The following GPRIN3 variants were observed in gnomAD, a reference collection of about 807,000 sequenced individuals.
GPRIN3 encodes G protein-regulated inducer of neurite outgrowth 3.
In GPRIN3, 12 loss-of-function variants were observed where a neutral mutation model predicts 13.7. The observed-to-expected ratio is 0.87, with a 90% confidence interval of 0.56 to 1.42. The LOEUF (loss-of-function observed/expected upper bound fraction) is 1.42, where lower values mean the gene tolerates loss of function less well. Ranked by LOEUF, GPRIN3 falls within the 40% of genes most tolerant of loss-of-function variation. The probability of loss-of-function intolerance (pLI) is 0.00; values close to 1 mark genes in which losing one functional copy is unlikely to be tolerated. For missense variants in GPRIN3, 1,009 were observed against 958.7 expected, an observed-to-expected ratio of 1.05 and a Z score of -0.69; for synonymous variants, 377 against 372.7, an observed-to-expected ratio of 1.01 and a Z score of -0.13.
chr4:89,249,543 G>A lies in GPRIN3; in HGVS notation c.568C>T (p.Pro190Ser), dbSNP rs1229116755. The A allele has an allele frequency of 6.2e-7, 1 of 1,614,180 alleles. No homozygotes were observed. The highest frequency in any genetic ancestry group is 8.5e-7 in the Non-Finnish European group (1 of 1,180,020). The part of the protein sequence containing the change: ...SSKDQVSCEF[P>S]SPETIQGTVQ... ...GTTCCCTGGATTGTTTCTGGAGAAG[G>A]AAACTCACAGGACACCTGATCTTTG... The change falls in exon 2 of 2, where the codon CCT becomes TCT. Residue 190 changes from proline to serine, a missense_variant. Transcript: ENST00000609438.
At chr4:89,261,671 A>G (rs558084980) in intron 1 of GPRIN3, among the ~76,000 whole-genome samples, 1 of 152,372 alleles carries the variant, frequency 6.6e-6, no homozygotes, top group South Asian at 2.1e-4. Context: ...GCTAATTGAT[A>G]TATGCACAAG....
rs774887362 is a variant in GPRIN3 at position 89,248,985 on chromosome 4, T to C, written c.1126A>G (p.Thr376Ala). 1 of 1,614,148 alleles carries C rather than the reference T, an allele frequency of 6.2e-7. No homozygotes were observed. Among genetic ancestry groups the C allele is most frequent in the Non-Finnish European group, 8.5e-7 (1 of 1,179,998 alleles). The change falls in exon 2 of 2, where the codon ACG (threonine) becomes GCG (alanine). Residue 376 changes from threonine to alanine, a missense_variant. By Grantham distance (58) the Thr-to-Ala change is moderately conservative. Coordinates refer to ENST00000609438, the MANE Select transcript of GPRIN3 (RefSeq NM_198281.3). ...GSHTLELSDS[T>A]LAPQESSQCP... is the part of the protein sequence containing the mutation. ...TGGCTGGACTCCTGGGGGGCTAGCGTGCTGTCAGAGAGCTCCAGTGTGTGG... is the reference window on the plus strand; with the variant it reads ...TGGCTGGACTCCTGGGGGGCTAGCGCGCTGTCAGAGAGCTCCAGTGTGTGG...
In GPRIN3 at chr4:89,249,144, G is replaced by T; in HGVS notation, c.967C>A (p.Gln323Lys). Residue 323 changes from glutamine to lysine, a missense_variant, in exon 2 of 2, where the codon CAG (glutamine) becomes AAG (lysine). By Grantham distance (53) the Gln-to-Lys change is moderately conservative. Coordinates refer to ENST00000609438, the MANE Select transcript of GPRIN3 (RefSeq NM_198281.3). The part of the protein sequence containing the change: ...PSRAWQDAEV[Q>K]AVASVESRSV... ...CTGCTCTCGACACTCGCCACTGCCTGCACCTCCGCATCTTGCCAAGCCCTG... is the reference window on the plus strand; with the variant it reads ...CTGCTCTCGACACTCGCCACTGCCTTCACCTCCGCATCTTGCCAAGCCCTG... 1 of 1,614,166 alleles carries T rather than the reference G, an allele frequency of 6.2e-7. No individual in the cohort carries two copies.
At chr4:89,286,840 C>T (rs1018056902) in intron 1 of GPRIN3, among the ~76,000 whole-genome samples, 1 of 152,164 alleles carries the variant, frequency 6.6e-6, no homozygotes. Context: ...AATTCTACTA[C>T]TCCAGCTGGA....
rs897688028 is a variant in GPRIN3 at position 89,273,007 on chromosome 4, T to C, written c.-123-22774A>G. Among the ~76,000 whole-genome samples the C allele has an allele frequency of 2.6e-5, 4 of 152,174 alleles. No individual in the cohort carries two copies. The East Asian group carries it at 5.8e-4, about 22-fold the overall frequency. ...AGTGTTGAAAATGAGAAAGAAGGAA[T>C]GAACCACATTTTTTTTTGTAGATCA... On this transcript the variant is annotated intron_variant, in intron 1 of 1. Transcript: ENST00000609438.
chr4:89,266,626 A>C (rs1322584901), intron 1 of GPRIN3, among the ~76,000 whole-genome samples: 1 of 152,220 alleles, frequency 6.6e-6, no homozygotes, highest in African/African-American at 2.4e-5. Flanking sequence ...AGATAGGAAA[A>C]TCGTTGTAAA....
chr4:89,303,978 T>C (rs1409329336), intron 1 of GPRIN3, among the ~76,000 whole-genome samples: 1 of 152,174 alleles, frequency 6.6e-6, no homozygotes, highest in African/African-American at 2.4e-5. Context: ...TTCTAAATGA[T>C]TCTTAAATAT....
chr4:89,301,673 G>A (rs17015390), intron 1 of GPRIN3, among the ~76,000 whole-genome samples: 3,428 of 152,264 alleles, frequency 0.023, 136 homozygotes, highest in African/African-American at 0.077. Flanking sequence ...TAAAGCATCT[G>A]ATTATTCTTC....
intron 1 of GPRIN3, among the ~76,000 whole-genome samples, chr4:89,262,620 A>C (rs1207732821): frequency 6.6e-6 from 1 of 152,176 alleles, no homozygotes; most frequent in Non-Finnish European, 1.5e-5. Context: ...CATGCAACTA[A>C]GGAAACCATA....
chr4:89,292,695 A>G (rs574513438), intron 1 of GPRIN3, among the ~76,000 whole-genome samples: 2 of 152,344 alleles, frequency 1.3e-5, no homozygotes, highest in African/African-American at 4.8e-5. Flanking sequence ...GGCTTCCACC[A>G]TTGGTAAACT....
intron 1 of GPRIN3, among the ~76,000 whole-genome samples, chr4:89,303,527 T>C (rs1282423049): frequency 1.3e-5 from 2 of 152,140 alleles, no homozygotes; most frequent in Non-Finnish European, 2.9e-5. Context: ...GTAGCAGTAT[T>C]AGGAAAATAG....
At position 89,270,579 on chromosome 4, in the gene GPRIN3, A is replaced by ATATATATATAT. The variant is rs1553951347; in HGVS notation, c.-123-20357_-123-20347dup. Among the ~76,000 whole-genome samples the ATATATATATAT allele has an allele frequency of 7.8e-4, 79 of 101,056 alleles. 1 individual carries two copies. The highest frequency in any genetic ancestry group is 4.9e-3 in the Middle Eastern group (1 of 204). The allele number at this position is 101,056 out of a possible 152,430, so 66.3% of individuals were successfully genotyped here. On this transcript the variant is annotated intron_variant, in intron 1 of 1. Coordinates refer to ENST00000609438, the MANE Select transcript of GPRIN3 (RefSeq NM_198281.3). ...ATGTATATAATTTATATATATATAT[A>ATATATATATAT]TATATATATATATATATATATAAAA...
intron 1 of GPRIN3, among the ~76,000 whole-genome samples, chr4:89,263,943 T>G (rs1723714572): frequency 1.3e-5 from 2 of 152,306 alleles, no homozygotes; most frequent in South Asian, 4.1e-4. Flanking sequence ...AAAGAAAACA[T>G]TTCAAAAGCA....
intron 1 of GPRIN3, among the ~76,000 whole-genome samples, chr4:89,305,055 A>T (rs560611383): frequency 1.1e-4 from 16 of 152,176 alleles, no homozygotes; most frequent in Non-Finnish European, 2.1e-4. Flanking sequence ...CACCTAAATC[A>T]CCCAGATAAA....
intron 1 of GPRIN3, among the ~76,000 whole-genome samples, chr4:89,281,277 C>T (rs1025761638): frequency 1.3e-5 from 2 of 152,148 alleles, no homozygotes; most frequent in African/African-American, 4.8e-5. Flanking sequence ...GCACCCGCCA[C>T]CACACCTGGC....
rs139460512 is a variant in GPRIN3, at chr4:89,256,283, C to T, written c.-123-6050G>A. Among the ~76,000 whole-genome samples, 166 of 152,154 alleles carry T rather than the reference C, an allele frequency of 1.1e-3. 1 individual carries two copies. Among genetic ancestry groups the T allele is most frequent in the Admixed American group, 1.4e-3 (21 of 15,280 alleles). On this transcript the variant is annotated intron_variant, in intron 1 of 1. Transcript: ENST00000609438. ...GAACCTTCTATTTGCAAGTGATTTG[C>T]AATCCAGGGGCAGCCTAGATGGCAT...
In GPRIN3 at chr4:89,249,244, C is replaced by T. The variant is rs1723234519; in HGVS notation, c.867G>A (p.Gln289=). 1.2e-6 allele frequency: 2 copies of T among 1,614,074 alleles called. No homozygotes were observed. Among genetic ancestry groups the T allele is most frequent in the Non-Finnish European group, 1.7e-6 (2 of 1,180,018 alleles). ...PGPEKVPLPA[Q]RQMSRFKEAS... ...CTTCTTTGAACCTTGACATCTGACGCTGTGCTGGCAGCGGCACCTTCTCTG... is the reference window on the plus strand; with the variant it reads ...CTTCTTTGAACCTTGACATCTGACGTTGTGCTGGCAGCGGCACCTTCTCTG... Residue 289 remains glutamine (Q), a synonymous_variant, in exon 2 of 2, where the codon CAG becomes CAA. Coordinates refer to ENST00000609438, the MANE Select transcript of GPRIN3 (RefSeq NM_198281.3).
rs1174624835 is a variant in GPRIN3 at position 89,275,192 on chromosome 4, G to GC, written c.-123-24960dup. 2.6e-5 allele frequency among the ~76,000 whole-genome samples: 4 copies of GC among 151,206 alleles called. No individual in the cohort carries two copies. In the East Asian group the frequency reaches 7.8e-4, roughly 29 times the overall value. On this transcript the variant is annotated intron_variant, in intron 1 of 1. Coordinates refer to ENST00000609438, the MANE Select transcript of GPRIN3 (RefSeq NM_198281.3). Reference sequence around the variant, plus strand: ...CATGTGCACAGTGTATGGTATGTGAGCCCACACATAGGGGATGGGTGGGAA... The same window carrying GC: ...CATGTGCACAGTGTATGGTATGTGAGCCCCACACATAGGGGATGGGTGGGAA...
chr4:89,286,413 T>C (rs536245221), intron 1 of GPRIN3, among the ~76,000 whole-genome samples: 1 of 152,290 alleles, frequency 6.6e-6, no homozygotes. Flanking sequence ...CTTTGGTATT[T>C]CCCTTTCAGC....
Sources: gnomAD v4.1 joint callset for allele counts (sites outside exome capture counted in the v4.1 genomes callset) on GRCh38, gnomAD v4.1.1 for gene constraint, MANE v1.5 for transcripts, NCBI Gene and HGNC (gene_info 2026-07-23, HGNC 2026-07-21) for gene names.